The following IPO7 variants were observed in gnomAD, a reference collection of about 807,000 sequenced individuals.
IPO7 encodes importin 7.
IPO7 carries 13 observed loss-of-function variants against 136.4 expected under a neutral mutation model. That is an observed-to-expected ratio of 0.10 (90% CI 0.06 to 0.15). The LOEUF (loss-of-function observed/expected upper bound fraction) is 0.15, where lower values mean the gene tolerates loss of function less well. IPO7 is among the 10% of genes least tolerant of loss of function. The probability of loss-of-function intolerance (pLI) is 1.00; values close to 1 mark genes in which losing one functional copy is unlikely to be tolerated. For synonymous variants in IPO7, 403 were observed against 404.4 expected (o/e 1.00, Z 0.04); for missense variants, 857 against 1,240.6 (o/e 0.69, Z 4.65).
intron 5 of IPO7, among the ~76,000 whole-genome samples, chr11:9,416,207 C>T (rs1855040333): frequency 1.3e-5 from 2 of 152,178 alleles, no homozygotes; most frequent in Admixed American, 6.5e-5. Context: ...ACTTCACCTC[C>T]ATTAAGACTG....
Position 9,436,283 on chromosome 11 carries a change from G to A in IPO7, c.2185G>A (p.Val729Ile). Residue 729 changes from valine to isoleucine, a missense_variant, in exon 20 of 25, where the codon GTT becomes ATT. Val to Ile is a conservative substitution (Grantham distance 29, BLOSUM62 3). This residue lies in a region of IPO7 where 190 missense variants were observed against 249.0 expected (regional missense o/e 0.76). Transcript: ENST00000379719. ...YSMCKKVLTG[V>I]AGEDAECHAA... The stretch of plus-strand genomic sequence containing the variant: ...CTGTTTTGATCAGGTTCTTACAGGA[G>A]TTGCAGGAGAAGATGCAGAGTGTCA... The A allele has an allele frequency of 6.2e-7, 1 of 1,612,424 alleles. No homozygotes were observed. The highest frequency in any genetic ancestry group is 1.3e-5 in the African/African-American group (1 of 75,018).
At chr11:9,430,539 G>T in intron 15 of IPO7, 1 of 192,378 alleles carries the variant, frequency 5.2e-6, no homozygotes, top group Non-Finnish European at 1.1e-5. Flanking sequence ...CTTTTATTTG[G>T]ACATTGTCAA....
intron 1 of IPO7, among the ~76,000 whole-genome samples, chr11:9,390,473 A>T (rs111560959): frequency 1.3e-5 from 2 of 152,190 alleles, no homozygotes; most frequent in African/African-American, 4.8e-5. Context: ...GCATATTTGT[A>T]AGATAATTTG....
chr11:9,444,436 T>C (rs1457056019), intron 24 of IPO7, among the ~76,000 whole-genome samples: 2 of 151,738 alleles, frequency 1.3e-5, no homozygotes, highest in East Asian at 2.0e-4. Flanking sequence ...CAATCTCGGC[T>C]CACTGCCACC....
rs770359778 is a variant in IPO7 at position 9,435,048 on chromosome 11, T to C, written c.2172+17T>C. ...TGCAAAAAGGTAGGTCATTTTTATA[T>C]ATCAGATTTCATGAGGCTTCTGCTA... On this transcript the variant is annotated intron_variant, in intron 19 of 24. Coordinates refer to ENST00000379719, the MANE Select transcript of IPO7 (RefSeq NM_006391.3). 5 of 1,434,786 alleles carry C rather than the reference T, an allele frequency of 3.5e-6. No homozygotes were observed. The Admixed American group carries it at 5.1e-5, about 15-fold the overall frequency. 88.9% of individuals were successfully genotyped at this position (1,434,786 alleles called of 1,614,324 possible). A position where few individuals can be genotyped will look rare whatever the true frequency, so the allele number is the denominator to read the frequency against.
At position 9,408,506 on chromosome 11, in the gene IPO7, A is replaced by G; in HGVS notation, c.187A>G (p.Met63Val). ...RQAGVIYLKN[M>V]ITQYWPDRET... ...TTTAGGTGTTATCTATCTGAAAAAT[A>G]TGATAACACAGTATTGGCCTGATCG... The change falls in exon 3 of 25, where the codon ATG becomes GTG. Residue 63 changes from methionine to valine, a missense_variant. Transcript: ENST00000379719. 6.4e-7 allele frequency: 1 copy of G among 1,570,582 alleles called. No homozygotes were observed. Among genetic ancestry groups the G allele is most frequent in the African/African-American group, 1.4e-5 (1 of 72,606 alleles).
intron 1 of IPO7, among the ~76,000 whole-genome samples, chr11:9,393,753 TAAA>T (rs984458768): frequency 2.6e-5 from 4 of 152,100 alleles, no homozygotes; most frequent in Non-Finnish European, 5.9e-5. Flanking sequence ...TGAAAATGAG[TAAA>T]AAATTTTTAG....
intron 24 of IPO7, among the ~76,000 whole-genome samples, chr11:9,442,597 T>C (rs1855474032): frequency 6.6e-6 from 1 of 152,110 alleles, no homozygotes; most frequent in South Asian, 2.1e-4. Context: ...GTATTTTTAG[T>C]AGAGACAGGG....
chr11:9,440,500 A>C lies in IPO7; in HGVS notation c.2741A>C (p.Glu914Ala), dbSNP rs747151877. The C allele has an allele frequency of 6.2e-7, 1 of 1,614,120 alleles. No homozygotes were observed. Among genetic ancestry groups the C allele is most frequent in the Non-Finnish European group, 8.5e-7 (1 of 1,179,972 alleles). The change falls in exon 23 of 25, where the codon GAA becomes GCA. Residue 914 changes from glutamate to alanine, a missense_variant. By Grantham distance (107) the Glu-to-Ala change is moderately radical. Coordinates refer to ENST00000379719, the MANE Select transcript of IPO7 (RefSeq NM_006391.3). ...DEDDIDEDGQEYLEILAKQAG... is the reference protein window; with the variant it reads ...DEDDIDEDGQAYLEILAKQAG... ...GATGATATTGATGAAGATGGGCAAG[A>C]ATATTTGGAGATTCTGGCTAAGCAG...
chr11:9,442,260 C>A (rs181460079), intron 24 of IPO7, 63 bp downstream of exon 24: 13 of 680,100 alleles, frequency 1.9e-5, no homozygotes, highest in Non-Finnish European at 3.3e-5. Context: ...AATTTTATAT[C>A]GTTTAATTTT....
chr11:9,391,691 G>T (rs1854635423), intron 1 of IPO7, among the ~76,000 whole-genome samples: 1 of 152,190 alleles, frequency 6.6e-6, no homozygotes, highest in Admixed American at 6.5e-5. Context: ...GCGACAGCAA[G>T]ACTCCATCTT....
intron 1 of IPO7, among the ~76,000 whole-genome samples, chr11:9,397,341 A>AAAAAAAAAATATATATATATAT: frequency 4.6e-4 from 5 of 10,758 alleles, no homozygotes; most frequent in African/African-American, 1.0e-3. Flanking sequence ...TTTAAAAAAA[A>AAAAAAAAAATATATATATATAT]ATATATATAT....
chr11:9,430,154 A>T (rs936449004), intron 15 of IPO7, among the ~76,000 whole-genome samples: 1 of 152,068 alleles, frequency 6.6e-6, no homozygotes, highest in African/African-American at 2.4e-5. Flanking sequence ...CCACTTATCT[A>T]CTGCTCCTAA....
intron 4 of IPO7, among the ~76,000 whole-genome samples, chr11:9,412,722 C>G (rs1195195584): frequency 6.6e-6 from 1 of 151,998 alleles, no homozygotes. Context: ...GTCCCAGCTA[C>G]TCAAGAGGCT....
chr11:9,388,984 T>C (rs1854590253), intron 1 of IPO7, among the ~76,000 whole-genome samples: 1 of 152,098 alleles, frequency 6.6e-6, no homozygotes, highest in Admixed American at 6.6e-5. Context: ...ATGACTGACT[T>C]CCTGTTATAA....
chr11:9,423,476 C>T (rs1855162034), intron 9 of IPO7, among the ~76,000 whole-genome samples: 1 of 152,092 alleles, frequency 6.6e-6, no homozygotes. Flanking sequence ...AAATGACTTA[C>T]CTGCTATTTC....
At chr11:9,395,095 A>G (rs1344115863) in intron 1 of IPO7, among the ~76,000 whole-genome samples, 2 of 152,174 alleles carry the variant, frequency 1.3e-5, no homozygotes, top group African/African-American at 2.4e-5. Flanking sequence ...TTTGACTCAT[A>G]TAAAAAATCT....
intron 8 of IPO7, 63 bp downstream of exon 8, chr11:9,420,761 C>T: frequency 9.0e-7 from 1 of 1,106,240 alleles, no homozygotes; most frequent in South Asian, 1.3e-5. Flanking sequence ...TTATATATTG[C>T]TTATTCCCAG....
At chr11:9,405,381 A>C (rs905606322) in intron 2 of IPO7, among the ~76,000 whole-genome samples, 1 of 151,734 alleles carries the variant, frequency 6.6e-6, no homozygotes, top group Non-Finnish European at 1.5e-5. Flanking sequence ...TCACCGTGTT[A>C]GCCAGGATGG....
Sources: allele counts gnomAD v4.1 joint callset (sites outside exome capture counted in the v4.1 genomes callset), GRCh38; gene constraint gnomAD v4.1.1; regional missense constraint gnomAD v4.1.1; transcripts MANE v1.5; gene names NCBI Gene and HGNC (gene_info 2026-07-23, HGNC 2026-07-21).